The following SLC9A3 variants were observed in gnomAD, a reference collection of about 807,000 sequenced individuals.
The protein encoded by SLC9A3 is sodium/hydrogen exchanger 3.
Under a neutral mutation model 86.8 loss-of-function variants are expected in SLC9A3, and 37 were observed. The ratio of observed to expected loss-of-function variants is 0.43; its 90% CI spans 0.33 to 0.56. The LOEUF is 0.56. Among genes scored for constraint, SLC9A3 ranks in the 20% least tolerant of loss-of-function variants. The pLI, the probability that SLC9A3 is intolerant of heterozygous loss-of-function variation, is 0.06. For missense variants in SLC9A3, 1,011 were observed against 1,171.9 expected (o/e 0.86, Z 2.00); for synonymous variants, 581 against 528.3 (o/e 1.10, Z -1.37).
Position 474,985 on chromosome 5 carries a change from C to T in SLC9A3, c.2399G>A (p.Arg800His). 6.2e-7 allele frequency: 1 copy of T among 1,611,490 alleles called. No individual in the cohort carries two copies. The highest frequency in any genetic ancestry group is 8.5e-7 in the Non-Finnish European group (1 of 1,179,278). The change falls in exon 16 of 17, where the codon CGC becomes CAC. Residue 800 changes from arginine to histidine, a missense_variant. By Grantham distance (29) the Arg-to-His change is conservative (BLOSUM62 0). Transcript: ENST00000264938. ...GCTGCTGAGGCGGAAGGGCATCAGG[C>T]GGCAGAAGGTGCCGGGAGAGTAGGG... ...QIPYSPGTFC[R>H]LMPFRLSSKS...
intron 9 of SLC9A3, 54 bp from the exon 10 acceptor site, chr5:480,019 G>C: frequency 6.3e-7 from 1 of 1,583,234 alleles, no homozygotes. Context: ...CCTAGAGCCC[G>C]CCGGACGCGT....
chr5:475,197 CG>C (rs1738641237), intron 15 of SLC9A3, 65 bp from the exon 16 acceptor site: 5 of 1,495,932 alleles, frequency 3.3e-6, no homozygotes, highest in African/African-American at 1.4e-5. Flanking sequence ...GAGACCTCGC[CG>C]GGGCCGTCAC....
At chr5:482,444 C>A in intron 7 of SLC9A3, 104 bp downstream of exon 7, 1 of 982,846 alleles carries the variant, frequency 1.0e-6, no homozygotes. Context: ...AATTATGAAA[C>A]CCAATTAGGG....
At chr5:475,954 CGGGAGGGCTGGGGCT>C in intron 14 of SLC9A3, 51 bp downstream of exon 14, 2 of 1,382,240 alleles carry the variant, frequency 1.4e-6, no homozygotes, top group African/African-American at 2.9e-5. Context: ...GTTCCCGAGC[CGGGAGGGCTGGGGCT>C]GGGAGGTGGT....
In SLC9A3 at chr5:473,149, C is replaced by CCGCCCCCGGCGCAGGCCT; in HGVS notation, c.*229_*230insAGGCCTGCGCCGGGGGCG. ...CTCGGCAGCCCTCGGCGCTCCGGCCCCGCCCCCGGCGCAGGCCCCGCCCCC... is the reference window on the plus strand; with the variant it reads ...CTCGGCAGCCCTCGGCGCTCCGGCCCCGCCCCCGGCGCAGGCCTCGCCCCCGGCGCAGGCCCCGCCCCC... On this transcript the variant is annotated 3_prime_UTR_variant, in exon 17 of 17. Coordinates refer to ENST00000264938, the MANE Select transcript of SLC9A3 (RefSeq NM_004174.4). The CCGCCCCCGGCGCAGGCCT allele has an allele frequency of 5.7e-6, 2 of 351,052 alleles. No individual in the cohort carries two copies. The highest frequency in any genetic ancestry group is 9.4e-6 in the Non-Finnish European group (2 of 213,224). The allele number at this position is 351,052 out of a possible 1,614,324, so 21.7% of individuals were successfully genotyped here.
chr5:481,180 C>T (rs962041315), intron 9 of SLC9A3, among the ~76,000 whole-genome samples: 5 of 152,206 alleles, frequency 3.3e-5, no homozygotes, highest in African/African-American at 1.2e-4. Context: ...TTGAGCCCTG[C>T]CAGACAAAAT....
At chr5:498,907 G>A (rs142168117) in intron 1 of SLC9A3, among the ~76,000 whole-genome samples, 153 of 152,302 alleles carry the variant, frequency 1.0e-3, no homozygotes, top group African/African-American at 3.5e-3. Context: ...CTCTGGTATC[G>A]GATGGCAGTT....
intron 1 of SLC9A3, among the ~76,000 whole-genome samples, chr5:510,212 G>A (rs1740817124): frequency 6.6e-6 from 1 of 152,256 alleles, no homozygotes; most frequent in Non-Finnish European, 1.5e-5. Context: ...AGCAGCGACA[G>A]AGACCATCGT....
In SLC9A3 at chr5:492,007, G is replaced by A. The variant is rs776940055; in HGVS notation, c.276C>T (p.Gly92=). 6 of 1,593,060 alleles carry A rather than the reference G, an allele frequency of 3.8e-6. No homozygotes were observed. In the African/African-American group the frequency reaches 8.2e-5, roughly 22 times the overall value. ...VPESALLIVL[G]LVLGGIVWAA... Reference sequence around the variant, plus strand: ...CCCAGACGATGCCGCCCAGCACCAGGCCCAGCACGATGAGCAGGGCGCTCT... The same window carrying A: ...CCCAGACGATGCCGCCCAGCACCAGACCCAGCACGATGAGCAGGGCGCTCT... The change falls in exon 2 of 17, where the codon GGC becomes GGT. Residue 92 remains glycine (G), a synonymous_variant. Transcript: ENST00000264938.
chr5:490,955 C>A (rs766205612), intron 2 of SLC9A3, among the ~76,000 whole-genome samples: 1 of 152,234 alleles, frequency 6.6e-6, no homozygotes, highest in African/African-American at 2.4e-5. Context: ...TTTCTCCATG[C>A]GTCTCCTTGG....
intron 1 of SLC9A3, among the ~76,000 whole-genome samples, chr5:522,070 C>T (rs1733898146): frequency 6.6e-6 from 1 of 151,574 alleles, no homozygotes; most frequent in African/African-American, 2.4e-5. Context: ...AGGGTCTGCG[C>T]CTGTGGGATA....
Position 484,669 on chromosome 5 carries a change from GC to G in SLC9A3, c.782del (p.Gly261AlafsTer15). 3 of 1,613,030 alleles carry G rather than the reference GC, an allele frequency of 1.9e-6. No homozygotes were observed. The highest frequency in any genetic ancestry group is 2.5e-6 in the Non-Finnish European group (3 of 1,179,940). On this transcript the variant is annotated frameshift_variant, in exon 5 of 17. Coordinates refer to ENST00000264938, the MANE Select transcript of SLC9A3 (RefSeq NM_004174.4). LOFTEE classifies it high-confidence loss of function. ...IVSFFVVSLG[G>X]TLVGVVFAFL... Reference sequence around the variant, plus strand: ...AGGCGAAGACCACCCCCACCAGCGTGCCCCCCAGGCTCACCACGAAGAAGGA... The same window carrying G: ...AGGCGAAGACCACCCCCACCAGCGTGCCCCCAGGCTCACCACGAAGAAGGA...
intron 5 of SLC9A3, among the ~76,000 whole-genome samples, chr5:483,740 CAA>C (rs1183773739): frequency 6.6e-6 from 1 of 152,264 alleles, no homozygotes; most frequent in East Asian, 1.9e-4. Context: ...CAAAGGGTTC[CAA>C]AGTCCCTCCC....
At chr5:514,190 C>T (rs1480748701) in intron 1 of SLC9A3, among the ~76,000 whole-genome samples, 5 of 152,266 alleles carry the variant, frequency 3.3e-5, no homozygotes, top group Admixed American at 3.3e-4. Context: ...GGATTAAAGA[C>T]AGAAACCTGG....
intron 8 of SLC9A3, 94 bp downstream of exon 8, chr5:481,974 C>G: frequency 2.5e-6 from 1 of 404,998 alleles, no homozygotes; most frequent in East Asian, 3.9e-5. Flanking sequence ...CCGCCACCCC[C>G]CAAGCCCCAG....
Position 471,361 on chromosome 5 carries a change from G to A in SLC9A3, c.*2018C>T, listed in dbSNP as rs575049667. 4.3e-5 allele frequency: 9 copies of A among 207,124 alleles called. No individual in the cohort carries two copies. The highest frequency in any genetic ancestry group is 3.0e-4 in the South Asian group (4 of 13,300). The allele number at this position is 207,124 out of a possible 1,614,324, so 12.8% of individuals were successfully genotyped here. A position where few individuals can be genotyped will look rare whatever the true frequency, so the allele number is the denominator to read the frequency against. The stretch of plus-strand genomic sequence containing the variant: ...CAAGGGTCCAGGGGAGTTGTTCAGC[G>A]CCTGGAATCGCCATGCATTGCGCGG... On this transcript the variant is annotated 3_prime_UTR_variant, in exon 17 of 17. Transcript: ENST00000264938.
At chr5:483,182 C>T in intron 6 of SLC9A3, 80 bp downstream of exon 6, 4 of 1,106,818 alleles carry the variant, frequency 3.6e-6, no homozygotes, top group Non-Finnish European at 5.3e-6. Flanking sequence ...TCTCCCTGGG[C>T]CCAGTAGAAA....
intron 1 of SLC9A3, among the ~76,000 whole-genome samples, chr5:502,431 G>C (rs1740320447): frequency 6.6e-6 from 1 of 152,240 alleles, no homozygotes; most frequent in Admixed American, 6.5e-5. Context: ...GCAGCAACAA[G>C]CTTCAGCTAC....
chr5:489,424 G>T (rs777057631), intron 2 of SLC9A3, among the ~76,000 whole-genome samples: 35 of 152,162 alleles, frequency 2.3e-4, no homozygotes, highest in South Asian at 4.1e-4. Flanking sequence ...GGGCTGAGGA[G>T]GGGTTTGTCC....
Sources: allele counts gnomAD v4.1 joint callset (sites outside exome capture counted in the v4.1 genomes callset), GRCh38; gene constraint gnomAD v4.1.1; transcripts MANE v1.5; gene names NCBI Gene and HGNC (gene_info 2026-07-23, HGNC 2026-07-21).